MAP3K2: variants seen among roughly 807,000 people sequenced by gnomAD.
The protein encoded by MAP3K2 is MAP/ERK kinase kinase 2.
A neutral mutation model predicts 80.3 loss-of-function variants in MAP3K2; 24 were observed. The observed-to-expected ratio is 0.30, with a 90% CI of 0.22 to 0.42. The LOEUF is 0.42. Ranked by LOEUF, MAP3K2 falls within the 10% of genes least tolerant of loss-of-function variation. The pLI is 1.00. For missense variants in MAP3K2, 608 were observed against 750.1 expected (o/e 0.81, Z 2.21); for synonymous variants, 244 against 253.7 (o/e 0.96, Z 0.36).
intron 1 of MAP3K2, among the ~76,000 whole-genome samples, chr2:127,353,059 C>T (rs1341146528): frequency 6.6e-6 from 1 of 152,106 alleles, no homozygotes; most frequent in East Asian, 1.9e-4. Context: ...CAACCTCCAC[C>T]TCCCAGCCGC....
intron 1 of MAP3K2, among the ~76,000 whole-genome samples, chr2:127,367,463 C>A (rs1231792010): frequency 1.3e-5 from 2 of 152,150 alleles, no homozygotes; most frequent in Non-Finnish European, 2.9e-5. Flanking sequence ...GACATTAGGT[C>A]TCATTTCCCT....
chr2:127,330,978 T>C (rs564289585), intron 5 of MAP3K2, among the ~76,000 whole-genome samples: 380 of 152,304 alleles, frequency 2.5e-3, no homozygotes, highest in African/African-American at 7.9e-3. Context: ...GCACCTGCCA[T>C]GGAGGACAGC....
At chr2:127,382,172 T>C (rs924676744) in intron 1 of MAP3K2, among the ~76,000 whole-genome samples, 2 of 152,182 alleles carry the variant, frequency 1.3e-5, no homozygotes, top group African/African-American at 2.4e-5. Context: ...TATGGATATA[T>C]ATTAGAGTAT....
At chr2:127,335,624 C>G (rs1686351273) in intron 5 of MAP3K2, among the ~76,000 whole-genome samples, 1 of 152,140 alleles carries the variant, frequency 6.6e-6, no homozygotes, top group African/African-American at 2.4e-5. Context: ...AGCAAAATTC[C>G]AAGTAATACA....
chr2:127,370,125 G>A (rs572987693), intron 1 of MAP3K2, among the ~76,000 whole-genome samples: 51 of 151,442 alleles, frequency 3.4e-4, no homozygotes, highest in African/African-American at 1.2e-3. Context: ...GGTGGGGGTG[G>A]GCGCAGCACG....
At position 127,343,167 on chromosome 2, in the gene MAP3K2, T is replaced by C; in HGVS notation, c.-38A>G. The C allele has an allele frequency of 6.5e-7, 1 of 1,537,730 alleles. No individual in the cohort carries two copies. The highest frequency in any genetic ancestry group is 2.0e-5 in the Admixed American group (1 of 51,060). On this transcript the variant is annotated 5_prime_UTR_variant, in exon 2 of 17. Transcript: ENST00000682094. ...CTCAACAATTTGAAAATTAGGAAAA[T>C]GGTTCTCCCATCAGCATTCTTTATG... is the stretch of plus-strand genomic sequence containing the variant.
At chr2:127,388,293 G>A (rs926191208), upstream of MAP3K2, 3 of 985,382 alleles carry the variant, frequency 3.0e-6, no homozygotes, top group Non-Finnish European at 3.6e-6. Flanking sequence ...CCAGACATCC[G>A]AGTAGATCCC....
chr2:127,321,995 T>C lies in MAP3K2; in HGVS notation c.1045+51A>G, dbSNP rs1423122312. 3.4e-6 allele frequency: 5 copies of C among 1,471,550 alleles called. No individual in the cohort carries two copies. The highest frequency in any genetic ancestry group is 1.2e-5 in the South Asian group (1 of 83,066). 91.2% of individuals were successfully genotyped at this position (1,471,550 alleles called of 1,614,324 possible). A position where few individuals can be genotyped will look rare whatever the true frequency, so the allele number is the denominator to read the frequency against. ...ATTTATTCCTTTTAATAATATAAAA[T>C]TCTGCAAAGATTCTGCTCTACATTT... On this transcript the variant is annotated intron_variant, in intron 12 of 16. Transcript: ENST00000682094. The surrounding 1 kb of genome is among the most constrained non-coding windows in gnomAD (Gnocchi z 4.4).
chr2:127,337,799 A>G, intron 3 of MAP3K2, 21 bp from the exon 4 acceptor site: 1 of 1,433,524 alleles, frequency 7.0e-7, no homozygotes, highest in Non-Finnish European at 9.5e-7. Context: ...ATGACAAATC[A>G]GTCTTTCAGA....
chr2:127,383,905 GCT>G (rs1687297330), intron 1 of MAP3K2, among the ~76,000 whole-genome samples: 1 of 139,348 alleles, frequency 7.2e-6, no homozygotes, highest in Non-Finnish European at 1.5e-5. Flanking sequence ...ATGGAGTCTC[GCT>G]CTGTCACCCA....
chr2:127,375,745 G>A (rs191324339), intron 1 of MAP3K2, among the ~76,000 whole-genome samples: 6 of 152,050 alleles, frequency 3.9e-5, no homozygotes, highest in South Asian at 2.1e-4. Context: ...CTCTAAATCC[G>A]CCTTTCTTCT....
At position 127,299,439 on chromosome 2, in the gene MAP3K2, T is replaced by G. The variant is rs1260658861; in HGVS notation, c.*8140A>C. On this transcript the variant is annotated 3_prime_UTR_variant, in exon 17 of 17. Coordinates refer to ENST00000682094, the MANE Select transcript of MAP3K2 (RefSeq NM_001371910.2). Reference sequence around the variant, plus strand: ...TGCCCAGTGATAGAAAAACTAAAAGTTGAAATCTTTTGGGGTGGAATACAG... The same window carrying G: ...TGCCCAGTGATAGAAAAACTAAAAGGTGAAATCTTTTGGGGTGGAATACAG... The G allele has an allele frequency of 6.6e-6, 1 of 152,108 alleles. No individual in the cohort carries two copies. The highest frequency in any genetic ancestry group is 1.5e-5 in the Non-Finnish European group (1 of 67,986). 9.4% of individuals were successfully genotyped at this position (152,108 alleles called of 1,614,324 possible). A position where few individuals can be genotyped will look rare whatever the true frequency, so the allele number is the denominator to read the frequency against.
At chr2:127,378,147 G>A in intron 1 of MAP3K2, 2 of 983,582 alleles carry the variant, frequency 2.0e-6, no homozygotes, top group African/African-American at 1.7e-5. Flanking sequence ...ATGGAAAATG[G>A]AGATCTAAAA....
At chr2:127,360,855 A>G (rs1686873947) in intron 1 of MAP3K2, among the ~76,000 whole-genome samples, 1 of 152,172 alleles carries the variant, frequency 6.6e-6, no homozygotes, top group Non-Finnish European at 1.5e-5. Flanking sequence ...AAAAATTCTG[A>G]AGTTAATTTC....
chr2:127,355,074 A>G (rs1466086802), intron 1 of MAP3K2, among the ~76,000 whole-genome samples: 1 of 152,160 alleles, frequency 6.6e-6, no homozygotes, highest in Non-Finnish European at 1.5e-5. Context: ...AACTGAAAGG[A>G]GCCTAATATA....
chr2:127,302,358 T>C lies in MAP3K2; in HGVS notation c.*5221A>G, dbSNP rs186107362. ...TCATCAGTAGGTCATACATTTGAGT[T>C]GTTCTTCCAAAACCAGAAACTGACC... On this transcript the variant is annotated 3_prime_UTR_variant, in exon 17 of 17. Coordinates refer to ENST00000682094, the MANE Select transcript of MAP3K2 (RefSeq NM_001371910.2). The C allele has an allele frequency of 2.6e-5, 4 of 152,072 alleles. No homozygotes were observed. Among genetic ancestry groups the C allele is most frequent in the Admixed American group, 6.6e-5 (1 of 15,242 alleles). The allele number at this position is 152,072 out of a possible 1,614,324, so 9.4% of individuals were successfully genotyped here.
intron 1 of MAP3K2, among the ~76,000 whole-genome samples, chr2:127,375,607 A>C (rs1168942406): frequency 1.3e-5 from 2 of 151,940 alleles, no homozygotes; most frequent in African/African-American, 4.8e-5. Flanking sequence ...ATGGGGTTTC[A>C]CCATGTTAGC....
chr2:127,369,484 A>C (rs1383115133), intron 1 of MAP3K2, among the ~76,000 whole-genome samples: 12 of 148,708 alleles, frequency 8.1e-5, no homozygotes, highest in Admixed American at 6.7e-4. Context: ...AAAAAAAAAA[A>C]AAAAAAAAAA....
intron 1 of MAP3K2, among the ~76,000 whole-genome samples, chr2:127,385,517 A>C (rs781654877): frequency 1.3e-5 from 2 of 152,202 alleles, no homozygotes; most frequent in Non-Finnish European, 2.9e-5. Context: ...CTTTTCCTTT[A>C]TTGCAGTGGT....
Sources: allele counts gnomAD v4.1 joint callset (sites outside exome capture counted in the v4.1 genomes callset), GRCh38; gene constraint gnomAD v4.1.1; non-coding constraint Gnocchi (gnomAD v3.1); transcripts MANE v1.5; gene names NCBI Gene and HGNC (gene_info 2026-07-23, HGNC 2026-07-21).